GRAMD4: variants seen among roughly 807,000 people sequenced by gnomAD.
GRAMD4 encodes GRAM domain-containing protein 4.
In GRAMD4, 25 loss-of-function variants were observed where a neutral mutation model predicts 83.9. That is an observed-to-expected ratio of 0.30 (90% CI 0.22 to 0.42). GRAMD4 has a LOEUF of 0.42. Ranked by LOEUF, GRAMD4 falls within the 10% of genes least tolerant of loss-of-function variation. GRAMD4 has a pLI of 1.00. For synonymous variants in GRAMD4, 336 were observed against 320.9 expected (o/e 1.05, Z -0.50); for missense variants, 593 against 788.7 (o/e 0.75, Z 2.97).
At chr22:46,602,437 C>T (rs138545) in intron 1 of GRAMD4, among the ~76,000 whole-genome samples, 2 of 152,044 alleles carry the variant, frequency 1.3e-5, no homozygotes, top group African/African-American at 4.8e-5. Context: ...CAACGCTTTG[C>T]GAGACCATGT....
rs1261863173 is a variant in GRAMD4 at position 46,678,916 on chromosome 22, G to A, written c.*1665G>A. On this transcript the variant is annotated 3_prime_UTR_variant, in exon 19 of 19. Transcript: ENST00000406902. ...GAGCCCCCGTGGCTCTGGACTGCGC[G>A]GACGTTGGCGTCAGGATGACCACAC... is the stretch of plus-strand genomic sequence containing the variant. 12 of 985,764 alleles carry A rather than the reference G, an allele frequency of 1.2e-5. No individual in the cohort carries two copies. Among genetic ancestry groups the A allele is most frequent in the South Asian group, 9.4e-5 (2 of 21,300 alleles). 61.1% of individuals were successfully genotyped at this position (985,764 alleles called of 1,614,324 possible).
In GRAMD4 at chr22:46,663,049, G is replaced by A; in HGVS notation, c.476G>A (p.Ser159Asn). The A allele has an allele frequency of 1.2e-6, 2 of 1,609,916 alleles. No individual in the cohort carries two copies. Among genetic ancestry groups the A allele is most frequent in the South Asian group, 1.1e-5 (1 of 90,918 alleles). The stretch of plus-strand genomic sequence containing the variant: ...TCCCTGCCCCCTGCAGAGCGCCGGA[G>A]CCAGGGGCTGTCCTCGCGCCTGCAG... ...AQASNGAERR[S>N]QGLSSRLQKW... The change falls in exon 6 of 19, where the codon AGC (serine) becomes AAC (asparagine). Residue 159 changes from serine (S) to asparagine (N), a missense_variant. Transcript: ENST00000406902.
At chr22:46,613,230 C>T (rs1030214257) in intron 1 of GRAMD4, among the ~76,000 whole-genome samples, 3 of 152,156 alleles carry the variant, frequency 2.0e-5, no homozygotes, top group Non-Finnish European at 4.4e-5. Flanking sequence ...TGTCCTCTAA[C>T]AGCCCTGAGC....
chr22:46,637,239 G>A (rs1023794701), intron 2 of GRAMD4, among the ~76,000 whole-genome samples: 1 of 146,120 alleles, frequency 6.8e-6, no homozygotes, highest in Admixed American at 7.0e-5. Flanking sequence ...GAGACTTAGC[G>A]CCACTTATCC....
At position 46,656,949 on chromosome 22, in the gene GRAMD4, C is replaced by T. The variant is rs531970320; in HGVS notation, c.284-1238C>T. 8.0e-4 allele frequency among the ~76,000 whole-genome samples: 122 copies of T among 152,360 alleles called. 1 individual carries two copies. The highest frequency in any genetic ancestry group is 2.7e-3 in the African/African-American group (114 of 41,584). ...TCAGCCACCATGGGCCACAGCCAGC[C>T]CTCAGCCACCATAGGCCACAGCCAG... On this transcript the variant is annotated intron_variant, in intron 3 of 18. Transcript: ENST00000406902.
chr22:46,652,310 C>G (rs957361843), intron 3 of GRAMD4, among the ~76,000 whole-genome samples: 10 of 152,074 alleles, frequency 6.6e-5, no homozygotes, highest in Non-Finnish European at 1.2e-4. Context: ...GGGCCGCAAG[C>G]CAAGGAGCAC....
intron 1 of GRAMD4, among the ~76,000 whole-genome samples, chr22:46,586,041 C>T (rs1308558992): frequency 6.6e-6 from 1 of 151,900 alleles, no homozygotes; most frequent in Non-Finnish European, 1.5e-5. Flanking sequence ...CCATGACCCC[C>T]ACGTTTCCCC....
At chr22:46,609,787 G>A (rs1275543149) in intron 1 of GRAMD4, among the ~76,000 whole-genome samples, 3 of 152,220 alleles carry the variant, frequency 2.0e-5, no homozygotes, top group Non-Finnish European at 4.4e-5. Context: ...GGCAGGAGGC[G>A]GTGCTTAGGG....
rs1413232937 is a variant in GRAMD4, at chr22:46,673,136, G to T, written c.1239+139G>T. ...TTTTATAGACTCCTTAAACTTGAGG[G>T]TTTTTTTTTTCCCTGTTACCACTGC... On this transcript the variant is annotated intron_variant, in intron 14 of 18. Coordinates refer to ENST00000406902, the MANE Select transcript of GRAMD4 (RefSeq NM_015124.5). The T allele has an allele frequency of 3.7e-5, 25 of 680,298 alleles. No homozygotes were observed. In the African/African-American group the frequency reaches 3.7e-4, roughly 10 times the overall value. 42.1% of individuals were successfully genotyped at this position (680,298 alleles called of 1,614,324 possible).
At chr22:46,627,295 G>T (rs2081680666) in intron 2 of GRAMD4, among the ~76,000 whole-genome samples, 1 of 152,234 alleles carries the variant, frequency 6.6e-6, no homozygotes, top group Admixed American at 6.5e-5. Flanking sequence ...GGAGCAGGGC[G>T]GGCGTTGTCT....
intron 1 of GRAMD4, among the ~76,000 whole-genome samples, chr22:46,612,613 A>G (rs1285788548): frequency 2.6e-5 from 4 of 152,242 alleles, no homozygotes; most frequent in African/African-American, 9.6e-5. Context: ...TGGGCTCCTG[A>G]GCTCACACGC....
At chr22:46,628,692 A>G (rs1263831474) in intron 2 of GRAMD4, among the ~76,000 whole-genome samples, 1 of 150,878 alleles carries the variant, frequency 6.6e-6, no homozygotes, top group African/African-American at 2.4e-5. Flanking sequence ...GGTTGCAGGT[A>G]TTGGTCTGGT....
At chr22:46,676,503 G>T (rs1288750229) in intron 17 of GRAMD4, 97 bp from the exon 18 acceptor site, 3 of 1,078,540 alleles carry the variant, frequency 2.8e-6, no homozygotes, top group Non-Finnish European at 2.8e-6. Context: ...CCTGCTGCCT[G>T]TGTGCCCAGT....
intron 15 of GRAMD4, 28 bp downstream of exon 15, chr22:46,673,842 G>A (rs754247538): frequency 6.2e-7 from 1 of 1,610,836 alleles, no homozygotes; most frequent in South Asian, 1.1e-5. Flanking sequence ...CTGAGGCCAG[G>A]CCGAGCGCCG....
intron 1 of GRAMD4, among the ~76,000 whole-genome samples, chr22:46,594,102 A>G (rs1228734830): frequency 6.6e-6 from 1 of 151,186 alleles, no homozygotes; most frequent in Non-Finnish European, 1.5e-5. Context: ...GATACCCAGC[A>G]TCCTGCCAGC....
intron 1 of GRAMD4, among the ~76,000 whole-genome samples, chr22:46,588,694 G>A (rs1227284928): frequency 2.6e-5 from 4 of 151,434 alleles, no homozygotes; most frequent in Admixed American, 2.0e-4. Context: ...CTCCTTCCCC[G>A]GCCTGATCCA....
chr22:46,586,759 T>C (rs1319388434), intron 1 of GRAMD4, among the ~76,000 whole-genome samples: 3 of 152,170 alleles, frequency 2.0e-5, no homozygotes, highest in African/African-American at 7.2e-5. Flanking sequence ...AAAGCGGCCC[T>C]GGGGTGAGCC....
rs562823262 is a variant in GRAMD4, at chr22:46,652,534, C to T, written c.284-5653C>T. Among the ~76,000 whole-genome samples the T allele has an allele frequency of 3.3e-5, 5 of 152,338 alleles. No individual in the cohort carries two copies. The East Asian group carries it at 5.8e-4, about 18-fold the overall frequency. On this transcript the variant is annotated intron_variant, in intron 3 of 18. Coordinates refer to ENST00000406902, the MANE Select transcript of GRAMD4 (RefSeq NM_015124.5). The stretch of plus-strand genomic sequence containing the variant: ...AAATGCAGAGGTCACCAAGGGGCTC[C>T]GTGGCCTGCCCTGTGTGTGGCCTCG...
rs1384491913 is a variant in GRAMD4, at chr22:46,584,821, G to T, written c.-50+7531G>T. The stretch of plus-strand genomic sequence containing the variant: ...CAGGGACGGGCACGGGCTTGGCGTT[G>T]CTTTGAGACGTGAAAGTGGGGCTGA... On this transcript the variant is annotated intron_variant, in intron 1 of 1. Transcript: ENST00000431155. 3.3e-5 allele frequency among the ~76,000 whole-genome samples: 5 copies of T among 152,220 alleles called. No homozygotes were observed. The East Asian group carries it at 9.6e-4, about 29-fold the overall frequency.
Sources: gnomAD v4.1 joint callset for allele counts (sites outside exome capture counted in the v4.1 genomes callset) on GRCh38, gnomAD v4.1.1 for gene constraint, MANE v1.5 for transcripts, NCBI Gene and HGNC (gene_info 2026-07-23, HGNC 2026-07-21) for gene names.